MAP2: variants seen among roughly 807,000 people sequenced by gnomAD.
MAP2 encodes the protein microtubule-associated protein 2.
Under a neutral mutation model 137.6 loss-of-function variants are expected in MAP2, and 14 were observed. The observed-to-expected ratio is 0.10, with a 90% CI of 0.07 to 0.16. MAP2 has a LOEUF of 0.16. Among genes scored for constraint, MAP2 ranks in the 10% least tolerant of loss-of-function variants. The probability of loss-of-function intolerance (pLI) is 1.00; values close to 1 mark genes in which losing one functional copy is unlikely to be tolerated. For missense variants in MAP2, 2,088 were observed against 2,191.5 expected (o/e 0.95, Z 0.94); for synonymous variants, 786 against 782.3 (o/e 1.00, Z -0.08).
At chr2:209,529,390 T>C (rs2064743044) in intron 2 of MAP2, among the ~76,000 whole-genome samples, 1 of 152,172 alleles carries the variant, frequency 6.6e-6, no homozygotes, top group Non-Finnish European at 1.5e-5. Context: ...AACAAACAAC[T>C]GTATGTGTGA....
chr2:209,651,458 G>A (rs188074704), intron 4 of MAP2, among the ~76,000 whole-genome samples: 2 of 152,238 alleles, frequency 1.3e-5, no homozygotes, highest in East Asian at 1.9e-4. Flanking sequence ...AATAACAAAT[G>A]TAATAACTAC....
At chr2:209,710,331 T>C in intron 13 of MAP2, 77 bp downstream of exon 13, 5 of 1,251,688 alleles carry the variant, frequency 4.0e-6, no homozygotes, top group Non-Finnish European at 5.6e-6. Context: ...AACTAACAGT[T>C]CTTAAAAGGG....
intron 2 of MAP2, among the ~76,000 whole-genome samples, chr2:209,573,993 A>C (rs1428829530): frequency 6.6e-6 from 1 of 152,156 alleles, no homozygotes; most frequent in Non-Finnish European, 1.5e-5. Flanking sequence ...TTCTATGAAT[A>C]TACCACATTT....
At chr2:209,578,607 G>T (rs116635897) in intron 2 of MAP2, among the ~76,000 whole-genome samples, 1,610 of 151,876 alleles carry the variant, frequency 0.011, 27 homozygotes, top group African/African-American at 0.038. Flanking sequence ...TCCATTCACT[G>T]GTTCAGGTTG....
At chr2:209,475,186 T>A (rs976204834) in intron 1 of MAP2, among the ~76,000 whole-genome samples, 4 of 152,110 alleles carry the variant, frequency 2.6e-5, no homozygotes, top group African/African-American at 9.6e-5. Context: ...GGTAACATCC[T>A]ACTGTGTGTT....
At chr2:209,502,343 T>A (rs922536427) in intron 1 of MAP2, among the ~76,000 whole-genome samples, 7 of 152,310 alleles carry the variant, frequency 4.6e-5, no homozygotes, top group African/African-American at 1.7e-4. Context: ...TTATGCAGTA[T>A]TTTTCTTTCT....
At chr2:209,646,652 A>G (rs1195104381) in intron 4 of MAP2, among the ~76,000 whole-genome samples, 1 of 152,218 alleles carries the variant, frequency 6.6e-6, no homozygotes, top group East Asian at 1.9e-4. Context: ...GAGAGTCTAC[A>G]TTAATTATCA....
Position 209,528,715 on chromosome 2 carries a change from CAT to C in MAP2, c.-172+21075_-172+21076del, listed in dbSNP as rs1491157229. On this transcript the variant is annotated intron_variant, in intron 2 of 15. Coordinates refer to ENST00000682079, the MANE Select transcript of MAP2 (RefSeq NM_001375505.1). ...GTCATCTTAGGACTATATATATATACATGTATATGTACATAAATATACATGTA... is the reference window on the plus strand; with the variant it reads ...GTCATCTTAGGACTATATATATATACGTATATGTACATAAATATACATGTA... Among the ~76,000 whole-genome samples, 3 of 149,618 alleles carry C rather than the reference CAT, an allele frequency of 2.0e-5. No individual in the cohort carries two copies. In the East Asian group the frequency reaches 5.9e-4, roughly 30 times the overall value.
At chr2:209,626,679 A>G (rs2092369355) in intron 4 of MAP2, among the ~76,000 whole-genome samples, 2 of 152,218 alleles carry the variant, frequency 1.3e-5, no homozygotes, top group African/African-American at 2.4e-5. Flanking sequence ...AAAAGTTTAC[A>G]TGAAGGGCAT....
At chr2:209,581,335 C>T (rs1480586667) in intron 3 of MAP2, among the ~76,000 whole-genome samples, 1 of 152,128 alleles carries the variant, frequency 6.6e-6, no homozygotes, top group Non-Finnish European at 1.5e-5. Flanking sequence ...GATTTTTGAA[C>T]AGGAGAATGA....
intron 4 of MAP2, among the ~76,000 whole-genome samples, chr2:209,650,115 G>A (rs997435461): frequency 2.6e-5 from 4 of 152,106 alleles, no homozygotes; most frequent in African/African-American, 7.2e-5. Context: ...TATGGCAGGG[G>A]GATGAGAGAA....
chr2:209,711,130 A>G lies in MAP2; in HGVS notation c.5073+876A>G, dbSNP rs115717164. Among the ~76,000 whole-genome samples the G allele has an allele frequency of 7.5e-3, 1,149 of 152,340 alleles. 17 individuals carry two copies. Among genetic ancestry groups the G allele is most frequent in the African/African-American group, 0.026 (1,068 of 41,578 alleles). ...TTTTGAAAGAAAGAAGGACAAAAAC[A>G]GTAACTTTGTACATAAACGAACTTA... On this transcript the variant is annotated intron_variant, in intron 13 of 15. Coordinates refer to ENST00000682079, the MANE Select transcript of MAP2 (RefSeq NM_001375505.1).
intron 13 of MAP2, among the ~76,000 whole-genome samples, chr2:209,716,098 G>C (rs1352119934): frequency 6.6e-6 from 1 of 152,066 alleles, no homozygotes; most frequent in Non-Finnish European, 1.5e-5. Flanking sequence ...TACATCTGTT[G>C]TTTGCTCTAT....
intron 1 of MAP2, among the ~76,000 whole-genome samples, chr2:209,497,818 T>G (rs892581284): frequency 2.6e-5 from 4 of 152,126 alleles, no homozygotes; most frequent in Non-Finnish European, 4.4e-5. Flanking sequence ...AGGGATCACC[T>G]CCATGATCCA....
intron 2 of MAP2, among the ~76,000 whole-genome samples, chr2:209,525,681 G>T (rs1043897980): frequency 6.6e-6 from 1 of 152,050 alleles, no homozygotes; most frequent in Non-Finnish European, 1.5e-5. Context: ...TTTACCAAAA[G>T]AATCCCAAAG....
rs546031224 is a variant in MAP2 at position 209,555,061 on chromosome 2, T to C, written c.-171-24975T>C. Among the ~76,000 whole-genome samples, 460 of 151,758 alleles carry C rather than the reference T, an allele frequency of 3.0e-3. 3 individuals are homozygous for C. Among genetic ancestry groups the C allele is most frequent in the Non-Finnish European group, 4.4e-3 (300 of 67,946 alleles). ...GGGCAAATATAATCATAAATCCTGG[T>C]TCTTGGGGCTTCCAACTTCATGTCT... is the stretch of plus-strand genomic sequence containing the variant. On this transcript the variant is annotated intron_variant, in intron 2 of 15. Coordinates refer to ENST00000682079, the MANE Select transcript of MAP2 (RefSeq NM_001375505.1).
At position 209,598,742 on chromosome 2, in the gene MAP2, C is replaced by T. The variant is rs2082124574; in HGVS notation, c.-107+18642C>T. Among the ~76,000 whole-genome samples, 4 of 151,088 alleles carry T rather than the reference C, an allele frequency of 2.6e-5. No individual in the cohort carries two copies. The South Asian group carries it at 8.4e-4, about 32-fold the overall frequency. On this transcript the variant is annotated intron_variant, in intron 3 of 15. Coordinates refer to ENST00000682079, the MANE Select transcript of MAP2 (RefSeq NM_001375505.1). ...AATAGTTTACTGAGAATGATGATTT[C>T]CAATTTCATCCATGTCCCTACAAAG...
In MAP2 at chr2:209,682,422, C is replaced by T. The variant is rs147599532; in HGVS notation, c.454+1595C>T. ...AGGAGAATCACTTGAACCCAGAAGG[C>T]GGAGGTTGCAGCGAGCCAAGATGGC... is the stretch of plus-strand genomic sequence containing the variant. On this transcript the variant is annotated intron_variant, in intron 7 of 15. Coordinates refer to ENST00000682079, the MANE Select transcript of MAP2 (RefSeq NM_001375505.1). 6.3e-3 allele frequency among the ~76,000 whole-genome samples: 951 copies of T among 152,128 alleles called. 15 individuals carry two copies. Among genetic ancestry groups the T allele is most frequent in the African/African-American group, 0.022 (895 of 41,508 alleles).
chr2:209,541,411 T>C (rs1383189856), intron 2 of MAP2, among the ~76,000 whole-genome samples: 1 of 151,224 alleles, frequency 6.6e-6, no homozygotes, highest in African/African-American at 2.5e-5. Context: ...TGCTGACCGA[T>C]CAGGGTGGTG....
Sources: gnomAD v4.1 joint callset for allele counts (sites outside exome capture counted in the v4.1 genomes callset) on GRCh38, gnomAD v4.1.1 for gene constraint, MANE v1.5 for transcripts, NCBI Gene and HGNC (gene_info 2026-07-23, HGNC 2026-07-21) for gene names.